GRM1: variants seen among roughly 807,000 people sequenced by gnomAD.
The protein encoded by GRM1 is glutamate metabotropic receptor 1, also known as metabotropic glutamate receptor 1.
A neutral mutation model predicts 90.9 loss-of-function variants in GRM1; 33 were observed. The ratio of observed to expected loss-of-function variants is 0.36; its 90% CI spans 0.28 to 0.49. GRM1 has a LOEUF of 0.49. Ranked by LOEUF, GRM1 falls within the 20% of genes least tolerant of loss-of-function variation. The pLI, the probability that GRM1 is intolerant of heterozygous loss-of-function variation, is 0.99. For synonymous variants in GRM1, 700 were observed against 613.2 expected (o/e 1.14, Z -2.09); for missense variants, 1,190 against 1,534.3 (o/e 0.78, Z 3.75).
At chr6:146,034,963 G>A (rs1790836346) in intron 1 of GRM1, among the ~76,000 whole-genome samples, 1 of 151,938 alleles carries the variant, frequency 6.6e-6, no homozygotes, top group Non-Finnish European at 1.5e-5. Context: ...TGTAAAGTAA[G>A]TAAAAGCAAT....
chr6:146,430,840 A>G (rs1201020227), intron 7 of GRM1, among the ~76,000 whole-genome samples: 2 of 152,210 alleles, frequency 1.3e-5, no homozygotes, highest in Non-Finnish European at 2.9e-5. Flanking sequence ...ACAAAACAAA[A>G]GCTTCCCAGA....
chr6:146,401,229 G>A (rs997895081), intron 7 of GRM1, among the ~76,000 whole-genome samples: 2 of 152,084 alleles, frequency 1.3e-5, no homozygotes, highest in Non-Finnish European at 2.9e-5. Flanking sequence ...TCAAAACTAG[G>A]ATGAAGCCAA....
intron 1 of GRM1, among the ~76,000 whole-genome samples, chr6:146,072,145 C>T (rs1189326002): frequency 1.3e-5 from 2 of 152,140 alleles, no homozygotes; most frequent in Non-Finnish European, 2.9e-5. Flanking sequence ...AGTGGTGTTG[C>T]TCTGGTTGAT....
chr6:146,389,225 A>C (rs1306076816), intron 6 of GRM1, among the ~76,000 whole-genome samples: 1 of 152,078 alleles, frequency 6.6e-6, no homozygotes, highest in Non-Finnish European at 1.5e-5. Flanking sequence ...AAAAGCTCAA[A>C]GACAAAAGTG....
chr6:146,194,031 T>C (rs1357851395), intron 2 of GRM1, among the ~76,000 whole-genome samples: 1 of 152,204 alleles, frequency 6.6e-6, no homozygotes, highest in African/African-American at 2.4e-5. Context: ...TCATAACTTT[T>C]TTTTACACTT....
At chr6:146,355,785 A>G (rs918061052) in intron 4 of GRM1, among the ~76,000 whole-genome samples, 3 of 152,214 alleles carry the variant, frequency 2.0e-5, no homozygotes, top group African/African-American at 7.2e-5. Flanking sequence ...AACATGAGTC[A>G]GTTTAGAGAG....
At chr6:146,091,252 A>G (rs1166837718) in intron 1 of GRM1, among the ~76,000 whole-genome samples, 1 of 152,090 alleles carries the variant, frequency 6.6e-6, no homozygotes, top group East Asian at 1.9e-4. Flanking sequence ...CCCTTGGGCT[A>G]GTGTAGGCAA....
In GRM1 at chr6:146,167,965, G is replaced by A. The variant is rs545114515; in HGVS notation, c.950+8368G>A. On this transcript the variant is annotated intron_variant, in intron 2 of 7. Coordinates refer to ENST00000282753, the MANE Select transcript of GRM1 (RefSeq NM_001278064.2). ...TCAAAAATATTTTACCTCCTCCAAG[G>A]TCACAAACATTTTTCTAAAAGTTTT... Among the ~76,000 whole-genome samples, 20 of 151,872 alleles carry A rather than the reference G, an allele frequency of 1.3e-4. 1 individual carries two copies. The Middle Eastern group carries it at 0.021, about 156-fold the overall frequency.
intron 1 of GRM1, among the ~76,000 whole-genome samples, chr6:146,133,287 C>G (rs1464719916): frequency 6.6e-6 from 1 of 152,180 alleles, no homozygotes; most frequent in East Asian, 1.9e-4. Flanking sequence ...TAATTTTGGG[C>G]TTCTCAGAAA....
At chr6:146,433,072 T>C (rs1219669739) in intron 7 of GRM1, among the ~76,000 whole-genome samples, 2 of 152,246 alleles carry the variant, frequency 1.3e-5, no homozygotes, top group African/African-American at 4.8e-5. Flanking sequence ...TGTGGGCATT[T>C]GTATTTTTCC....
chr6:146,294,217 G>T (rs1783095879), intron 2 of GRM1, among the ~76,000 whole-genome samples: 1 of 151,384 alleles, frequency 6.6e-6, no homozygotes. Flanking sequence ...AAGCATTTCT[G>T]GGAATAAATT....
At position 146,435,951 on chromosome 6, in the gene GRM1, G is replaced by C. The variant is rs1189664775; in HGVS notation, c.*1155G>C. 1 of 152,572 alleles carries C rather than the reference G, an allele frequency of 6.6e-6. No individual in the cohort carries two copies. Among genetic ancestry groups the C allele is most frequent in the Non-Finnish European group, 1.5e-5 (1 of 68,036 alleles). 9.5% of individuals were successfully genotyped at this position (152,572 alleles called of 1,614,324 possible). ...GGTGTACTCATAGCAACTATTACTG[G>C]TTTAAATGACAAATAATTCTATCCT... On this transcript the variant is annotated 3_prime_UTR_variant, in exon 8 of 8. Coordinates refer to ENST00000282753, the MANE Select transcript of GRM1 (RefSeq NM_001278064.2).
chr6:146,258,100 T>C (rs1781554754), intron 2 of GRM1, among the ~76,000 whole-genome samples: 1 of 152,146 alleles, frequency 6.6e-6, no homozygotes, highest in Non-Finnish European at 1.5e-5. Context: ...GGTTTTCAGG[T>C]TGAAGAAGCT....
chr6:146,416,893 C>T (rs74589867), intron 7 of GRM1, among the ~76,000 whole-genome samples: 1,956 of 152,200 alleles, frequency 0.013, 48 homozygotes, highest in African/African-American at 0.045. Context: ...TAGTTTTGTA[C>T]CCTGTGCCTT....
rs1302831531 is a variant in GRM1 at position 146,435,977 on chromosome 6, A to T, written c.*1181A>T. ...TTTAAATGACAAATAATTCTATCCT[A>T]TTGTCACTGAAGTCCTTGTAACTAG... is the stretch of plus-strand genomic sequence containing the variant. On this transcript the variant is annotated 3_prime_UTR_variant, in exon 8 of 8. Coordinates refer to ENST00000282753, the MANE Select transcript of GRM1 (RefSeq NM_001278064.2). The T allele has an allele frequency of 1.3e-5, 2 of 152,560 alleles. No individual in the cohort carries two copies. Among genetic ancestry groups the T allele is most frequent in the African/African-American group, 4.8e-5 (2 of 41,434 alleles). 9.5% of individuals were successfully genotyped at this position (152,560 alleles called of 1,614,324 possible).
At chr6:146,382,603 A>T (rs1776356585) in intron 5 of GRM1, among the ~76,000 whole-genome samples, 1 of 152,130 alleles carries the variant, frequency 6.6e-6, no homozygotes, top group African/African-American at 2.4e-5. Context: ...CATAGAGACT[A>T]CCCTTCCTTT....
At chr6:146,346,602 G>A (rs542336381) in intron 3 of GRM1, among the ~76,000 whole-genome samples, 41 of 152,216 alleles carry the variant, frequency 2.7e-4, no homozygotes, top group African/African-American at 9.4e-4. Flanking sequence ...CCCTGGAAGA[G>A]CATAAAGAAA....
Position 146,352,509 on chromosome 6 carries a change from G to A in GRM1, c.1433+13G>A. The A allele has an allele frequency of 6.2e-7, 1 of 1,613,000 alleles. No individual in the cohort carries two copies. Among genetic ancestry groups the A allele is most frequent in the Non-Finnish European group, 8.5e-7 (1 of 1,179,464 alleles). On this transcript the variant is annotated intron_variant, in intron 4 of 7. Coordinates refer to ENST00000282753, the MANE Select transcript of GRM1 (RefSeq NM_001278064.2). Reference sequence around the variant, plus strand: ...ACGCTCCTGGAAGGTAATCTTTTCAGTAATCAATCTAAGTAACCTTGTGAG... The same window carrying A: ...ACGCTCCTGGAAGGTAATCTTTTCAATAATCAATCTAAGTAACCTTGTGAG...
chr6:146,082,260 A>G (rs1776388469), intron 1 of GRM1, among the ~76,000 whole-genome samples: 1 of 152,046 alleles, frequency 6.6e-6, no homozygotes. Context: ...GGTTCAAGCA[A>G]TTCTCCCATC....
Sources: gnomAD v4.1 joint callset for allele counts (sites outside exome capture counted in the v4.1 genomes callset) on GRCh38, gnomAD v4.1.1 for gene constraint, MANE v1.5 for transcripts, NCBI Gene and HGNC (gene_info 2026-07-23, HGNC 2026-07-21) for gene names.